RGPD1: variants seen among roughly 807,000 people sequenced by gnomAD.
RGPD1 encodes the protein RANBP2 like and GRIP domain containing 1.
RGPD1 carries 7 observed loss-of-function variants against 40.6 expected under a neutral mutation model. That is an observed-to-expected ratio of 0.17 (90% CI 0.10 to 0.32). The LOEUF (loss-of-function observed/expected upper bound fraction) is 0.32, where lower values mean the gene tolerates loss of function less well. RGPD1 is among the 10% of genes least tolerant of loss of function. The pLI, the probability that RGPD1 is intolerant of heterozygous loss-of-function variation, is 1.00. For missense variants in RGPD1, 50 were observed against 472.5 expected (o/e 0.11, Z 8.29); for synonymous variants, 24 against 167.0 (o/e 0.14, Z 6.60).
chr2:86,943,468 C>T (rs1475373883), intron 1 of RGPD1, among the ~76,000 whole-genome samples: 3 of 151,998 alleles, frequency 2.0e-5, no homozygotes, highest in African/African-American at 7.3e-5. Context: ...GTAATTGGAT[C>T]TAAAGAGTGA....
rs532120547 is a variant in RGPD1, at chr2:86,913,937, A to T, written c.72+16A>T. ...GCCTGGAAAGGTGAGTGGATCTCGA[A>T]GAGACCGACGGCCTCGACCTGGCGG... On this transcript the variant is annotated intron_variant, in intron 1 of 22. Transcript: ENST00000398193. 5.7e-6 allele frequency: 8 copies of T among 1,393,010 alleles called. 1 individual carries two copies. The East Asian group carries it at 2.4e-4, about 42-fold the overall frequency. 86.3% of individuals were successfully genotyped at this position (1,393,010 alleles called of 1,614,324 possible). A position where few individuals can be genotyped will look rare whatever the true frequency, so the allele number is the denominator to read the frequency against.
chr2:86,928,535 T>C (rs1351393630), intron 1 of RGPD1, among the ~76,000 whole-genome samples: 1 of 152,092 alleles, frequency 6.6e-6, no homozygotes, highest in Non-Finnish European at 1.5e-5. Flanking sequence ...AAGGAACTGC[T>C]GTGGTAATTT....
At chr2:86,928,561 A>C (rs552165632) in intron 1 of RGPD1, among the ~76,000 whole-genome samples, 1 of 152,158 alleles carries the variant, frequency 6.6e-6, no homozygotes, top group African/African-American at 2.4e-5. Context: ...ACAGATGATG[A>C]TGGTTTAGGT....
chr2:86,913,793 A>G (rs1212671170), upstream of RGPD1: 3 of 1,477,400 alleles, frequency 2.0e-6, no homozygotes, highest in Admixed American at 2.1e-5. Flanking sequence ...GGAATTGGCG[A>G]CTGCTGCGGG....
At chr2:86,925,829 C>T (rs976672554) in intron 1 of RGPD1, among the ~76,000 whole-genome samples, 1 of 152,126 alleles carries the variant, frequency 6.6e-6, no homozygotes, top group African/African-American at 2.4e-5. Flanking sequence ...TTCAGCCTCC[C>T]AGAGTGTTGG....
chr2:86,926,557 T>G (rs528057769), intron 1 of RGPD1, among the ~76,000 whole-genome samples: 2 of 152,164 alleles, frequency 1.3e-5, no homozygotes, highest in African/African-American at 2.4e-5. Flanking sequence ...CTTTCTGTCC[T>G]GTACTACAAG....
chr2:86,914,206 CCG>C (rs1677618736), intron 1 of RGPD1, among the ~76,000 whole-genome samples: 3 of 35,280 alleles, frequency 8.5e-5, no homozygotes, highest in African/African-American at 8.9e-5. Context: ...CTCGGCCTGG[CCG>C]GGCGGCGGCG....
At chr2:86,998,638 C>T (rs1280716215) in intron 22 of RGPD1, among the ~76,000 whole-genome samples, 1 of 31,346 alleles carries the variant, frequency 3.2e-5, no homozygotes, top group Non-Finnish European at 5.2e-5. Context: ...CTTTGAAATG[C>T]TTCATATACA....
intron 1 of RGPD1, chr2:86,930,519 C>T (rs1325276458): frequency 3.0e-5 from 46 of 1,553,186 alleles, no homozygotes; most frequent in African/African-American, 9.6e-5. Flanking sequence ...GAGTTTAGCT[C>T]GTCGGTGGCG....
intron 9 of RGPD1, among the ~76,000 whole-genome samples, 160 bp from the exon 10 acceptor site, chr2:86,973,910 TAAG>T (rs1438112697): frequency 3.4e-4 from 42 of 124,336 alleles, no homozygotes; most frequent in African/African-American, 1.3e-3. Context: ...ATGCATTTAA[TAAG>T]AACATGAGAT....
chr2:86,929,799 G>T (rs1678785785), intron 1 of RGPD1, among the ~76,000 whole-genome samples: 1 of 137,296 alleles, frequency 7.3e-6, no homozygotes, highest in African/African-American at 2.7e-5. Context: ...CCCCAATACT[G>T]CCCCTCTCCT....
chr2:86,919,973 G>A (rs1454781908), intron 1 of RGPD1, among the ~76,000 whole-genome samples: 1 of 151,126 alleles, frequency 6.6e-6, no homozygotes, highest in Admixed American at 6.6e-5. Flanking sequence ...GTGAGATACT[G>A]TTTTTAAGAG....
intron 1 of RGPD1, among the ~76,000 whole-genome samples, chr2:86,925,839 G>T: frequency 6.6e-6 from 1 of 152,040 alleles, no homozygotes; most frequent in Non-Finnish European, 1.5e-5. Flanking sequence ...CAGAGTGTTG[G>T]GATTACAGGC....
chr2:86,941,347 C>G (rs1679731606), upstream of RGPD1, among the ~76,000 whole-genome samples: 1 of 148,672 alleles, frequency 6.7e-6, no homozygotes. Context: ...TTCTGTTATT[C>G]TGCTAGTGAA....
chr2:86,924,992 A>G lies in RGPD1; in HGVS notation c.72+11071A>G, dbSNP rs1233899268. 5.3e-5 allele frequency among the ~76,000 whole-genome samples: 8 copies of G among 151,892 alleles called. No homozygotes were observed. In the East Asian group the frequency reaches 1.4e-3, roughly 26 times the overall value. On this transcript the variant is annotated intron_variant, in intron 1 of 22. Transcript: ENST00000398193. ...GAAAATTAGCCAGGCATGATGGCGCATAACCTGTAGTCCTAGCTACTTGGA... is the reference window on the plus strand; with the variant it reads ...GAAAATTAGCCAGGCATGATGGCGCGTAACCTGTAGTCCTAGCTACTTGGA...
chr2:86,929,462 C>A (rs1678745620), intron 1 of RGPD1, among the ~76,000 whole-genome samples: 1 of 151,558 alleles, frequency 6.6e-6, no homozygotes, highest in East Asian at 1.9e-4. Context: ...AATTCATGTT[C>A]AAAAATAATA....
In RGPD1 at chr2:86,913,980, G is replaced by A. The variant is rs1334507977; in HGVS notation, c.72+59G>A. The A allele has an allele frequency of 2.9e-6, 3 of 1,045,296 alleles. 1 individual carries two copies. Among genetic ancestry groups the A allele is most frequent in the South Asian group, 3.7e-5 (2 of 54,120 alleles). 64.8% of individuals were successfully genotyped at this position (1,045,296 alleles called of 1,614,324 possible). On this transcript the variant is annotated intron_variant, in intron 1 of 22. Coordinates refer to the RGPD1 transcript ENST00000398193. ...CCTGGCGGGGCGGTGGCCTCGACCT[G>A]GCCGGGCGGCGGCGGCGGCCTCGGC...
chr2:86,960,476 C>T (rs1255066133), intron 6 of RGPD1, among the ~76,000 whole-genome samples: 5 of 84,126 alleles, frequency 5.9e-5, no homozygotes, highest in Non-Finnish European at 8.6e-5. Flanking sequence ...CTGCCCTCCT[C>T]GGCCTCCCAA....
At chr2:86,929,555 A>C (rs1243447250) in intron 1 of RGPD1, among the ~76,000 whole-genome samples, 5 of 150,204 alleles carry the variant, frequency 3.3e-5, no homozygotes, top group South Asian at 2.1e-4. Flanking sequence ...TCCTCACAAC[A>C]ACCCTGGGAA....
Sources: gnomAD v4.1 joint callset for allele counts (sites outside exome capture counted in the v4.1 genomes callset) on GRCh38, gnomAD v4.1.1 for gene constraint, MANE v1.5 for transcripts, NCBI Gene and HGNC (gene_info 2026-07-23, HGNC 2026-07-21) for gene names.